CRB1: variants seen among roughly 807,000 people sequenced by gnomAD.
CRB1 encodes protein crumbs homolog 1.
CRB1 carries 83 observed loss-of-function variants against 120.0 expected under a neutral mutation model. That is an observed-to-expected ratio of 0.69 (90% CI 0.58 to 0.83). CRB1 has a LOEUF of 0.83. CRB1 is among the 40% of genes least tolerant of loss of function. The pLI is 0.00. For synonymous variants in CRB1, 625 were observed against 612.5 expected, an observed-to-expected ratio of 1.02 and a Z score of -0.30; for missense variants, 1,699 against 1,687.6, an observed-to-expected ratio of 1.01 and a Z score of -0.12.
intron 1 of CRB1, among the ~76,000 whole-genome samples, chr1:197,293,858 A>G (rs1209199535): frequency 6.6e-6 from 1 of 152,326 alleles, no homozygotes; most frequent in African/African-American, 2.4e-5. Flanking sequence ...CTGGCTAGCC[A>G]TATGTAGAAA....
At chr1:197,406,323 A>C (rs1043582118) in intron 5 of CRB1, among the ~76,000 whole-genome samples, 2 of 152,114 alleles carry the variant, frequency 1.3e-5, no homozygotes, top group Admixed American at 1.3e-4. Flanking sequence ...ACTCAGGGTT[A>C]AATGGATTAA....
intron 4 of CRB1, among the ~76,000 whole-genome samples, chr1:197,353,814 T>TAAAAAAAAA (rs57274486): frequency 1.1e-5 from 1 of 89,414 alleles, no homozygotes; most frequent in African/African-American, 5.0e-5. Flanking sequence ...AATATATAAA[T>TAAAAAAAAA]AAAAAAAAAA....
At chr1:197,232,613 T>C in the CRB1 span, among the ~76,000 whole-genome samples, 4 of 152,282 alleles carry the variant, frequency 2.6e-5, no homozygotes, top group East Asian at 7.7e-4. Context: ...TGAGGCCAGT[T>C]GCTTTAGTTA....
At chr1:197,359,349 GTT>G (rs758160335) in intron 5 of CRB1, among the ~76,000 whole-genome samples, 6 of 145,180 alleles carry the variant, frequency 4.1e-5, no homozygotes, top group African/African-American at 1.0e-4. Flanking sequence ...TAGAATAAGA[GTT>G]TTTTTTTTTT....
At chr1:197,275,529 CTCT>C (rs964241383) in intron 1 of CRB1, among the ~76,000 whole-genome samples, 2 of 151,954 alleles carry the variant, frequency 1.3e-5, no homozygotes, top group Non-Finnish European at 2.9e-5. Flanking sequence ...CCATATTGTT[CTCT>C]TATTTTCCCC....
At chr1:197,470,885 G>A (rs1666950402) in intron 11 of CRB1, among the ~76,000 whole-genome samples, 1 of 152,230 alleles carries the variant, frequency 6.6e-6, no homozygotes, top group South Asian at 2.1e-4. Flanking sequence ...CACAGCACAT[G>A]TCAAATCTCA....
intron 11 of CRB1, among the ~76,000 whole-genome samples, chr1:197,461,118 G>A (rs2125547864): frequency 6.6e-6 from 1 of 152,234 alleles, no homozygotes; most frequent in African/African-American, 2.4e-5. Context: ...TGGTATAACT[G>A]CATTGCCACT....
intron 5 of CRB1, among the ~76,000 whole-genome samples, chr1:197,405,668 G>A (rs1261527421): frequency 6.6e-6 from 1 of 151,504 alleles, no homozygotes; most frequent in African/African-American, 2.4e-5. Context: ...TCTGAGATGT[G>A]GGGAGCGCCT....
intron 5 of CRB1, among the ~76,000 whole-genome samples, chr1:197,384,893 G>T (rs1662134931): frequency 6.6e-6 from 1 of 152,118 alleles, no homozygotes; most frequent in Admixed American, 6.6e-5. Flanking sequence ...CTCTGTTAAA[G>T]ATTCTTGGAT....
chr1:197,225,812 C>T, the CRB1 span, among the ~76,000 whole-genome samples: 198 of 152,350 alleles, frequency 1.3e-3, no homozygotes, highest in Middle Eastern at 0.01. Flanking sequence ...ACAGCTGTAT[C>T]TAATCCTACT....
At chr1:197,469,392 ATTAC>A (rs1666885237) in intron 11 of CRB1, among the ~76,000 whole-genome samples, 1 of 152,112 alleles carries the variant, frequency 6.6e-6, no homozygotes, top group Non-Finnish European at 1.5e-5. Context: ...GAATAGATGA[ATTAC>A]CTAGGGAGAG....
intron 6 of CRB1, 71 bp from the exon 7 acceptor site, chr1:197,427,383 C>T (rs867793421): frequency 2.8e-6 from 4 of 1,411,734 alleles, no homozygotes; most frequent in African/African-American, 2.8e-5. Context: ...TTTCGTCTTC[C>T]ATCCCTTCTG....
rs1326715693 is a variant in CRB1, at chr1:197,395,881, A to C, written c.1172-25119A>C. Among the ~76,000 whole-genome samples, 5 of 152,160 alleles carry C rather than the reference A, an allele frequency of 3.3e-5. 1 individual carries two copies. The highest frequency in any genetic ancestry group is 7.3e-5 in the Non-Finnish European group (5 of 68,028). ...AATGACCATCTACAAAAAAACCTAG[A>C]GCTAACATAGTAATGGTGAAAGACT... On this transcript the variant is annotated intron_variant, in intron 5 of 11. Transcript: ENST00000367400.
chr1:197,461,992 C>T (rs1450554640), intron 11 of CRB1, among the ~76,000 whole-genome samples: 2 of 152,138 alleles, frequency 1.3e-5, no homozygotes, highest in African/African-American at 4.8e-5. Context: ...GACAAAAGCA[C>T]AGCATGCCAT....
chr1:197,364,845 G>T (rs1660975903), intron 5 of CRB1, among the ~76,000 whole-genome samples: 1 of 151,822 alleles, frequency 6.6e-6, no homozygotes. Flanking sequence ...TAAAATTCTT[G>T]TTAGATAATT....
chr1:197,371,278 C>G (rs1661356796), intron 5 of CRB1, among the ~76,000 whole-genome samples: 1 of 152,160 alleles, frequency 6.6e-6, no homozygotes, highest in South Asian at 2.1e-4. Flanking sequence ...CTTCTCCACA[C>G]TTACAACCAA....
chr1:197,324,948 A>G (rs982363211), intron 1 of CRB1, among the ~76,000 whole-genome samples: 2 of 152,234 alleles, frequency 1.3e-5, no homozygotes, highest in Non-Finnish European at 2.9e-5. Context: ...AAAGGAGCCC[A>G]TCTACTTCTT....
At chr1:197,218,715 A>G in the CRB1 span, among the ~76,000 whole-genome samples, 196 of 152,324 alleles carry the variant, frequency 1.3e-3, 4 homozygotes, top group East Asian at 0.028. Context: ...AGGCAGACAC[A>G]TGGGCTTCAA....
intron 2 of CRB1, among the ~76,000 whole-genome samples, chr1:197,339,393 T>C (rs544530723): frequency 6.6e-6 from 1 of 152,336 alleles, no homozygotes; most frequent in East Asian, 1.9e-4. Context: ...CACTGATAAC[T>C]GTTGTACTTG....
Sources: allele counts gnomAD v4.1 joint callset (sites outside exome capture counted in the v4.1 genomes callset), GRCh38; gene constraint gnomAD v4.1.1; transcripts MANE v1.5; gene names NCBI Gene and HGNC (gene_info 2026-07-23, HGNC 2026-07-21).